TNR: variants seen among roughly 807,000 people sequenced by gnomAD.
TNR encodes the protein tenascin R, also known as tenascin-R.
Under a neutral mutation model 150.4 loss-of-function variants are expected in TNR, and 45 were observed. The observed-to-expected ratio is 0.30, with a 90% CI of 0.24 to 0.38. TNR has a LOEUF of 0.38. Ranked by LOEUF, TNR falls within the 10% of genes least tolerant of loss-of-function variation. TNR has a pLI of 1.00. For missense variants in TNR, 1,544 were observed against 1,759.1 expected (o/e 0.88, Z 2.19); for synonymous variants, 687 against 678.4 (o/e 1.01, Z -0.20).
chr1:175,661,299 C>A (rs891254072), intron 1 of TNR, among the ~76,000 whole-genome samples: 3 of 152,198 alleles, frequency 2.0e-5, no homozygotes, highest in Non-Finnish European at 4.4e-5. Context: ...CAGGAATGAG[C>A]CATCCCCACT....
chr1:175,377,988 G>A (rs976459697), intron 9 of TNR, among the ~76,000 whole-genome samples: 2 of 151,996 alleles, frequency 1.3e-5, no homozygotes, highest in African/African-American at 4.8e-5. Context: ...TGTTGCCTGG[G>A]TCTCACATTC....
chr1:175,574,809 G>A (rs962893935), intron 1 of TNR, among the ~76,000 whole-genome samples: 3 of 152,172 alleles, frequency 2.0e-5, no homozygotes, highest in South Asian at 2.1e-4. Flanking sequence ...ACAGAGGCAC[G>A]GAAGGCAGAT....
intron 1 of TNR, among the ~76,000 whole-genome samples, chr1:175,711,351 T>G (rs1305798229): frequency 1.3e-5 from 2 of 151,960 alleles, no homozygotes; most frequent in Non-Finnish European, 1.5e-5. Flanking sequence ...GGACACCAAG[T>G]GCAAAGCCCT....
At chr1:175,630,565 C>T (rs1664294647) in intron 1 of TNR, among the ~76,000 whole-genome samples, 1 of 152,204 alleles carries the variant, frequency 6.6e-6, no homozygotes. Context: ...CTTTTCCTCC[C>T]TTCCTCCCTT....
At chr1:175,690,452 C>T (rs925723666) in intron 1 of TNR, among the ~76,000 whole-genome samples, 3 of 152,208 alleles carry the variant, frequency 2.0e-5, no homozygotes, top group African/African-American at 7.2e-5. Context: ...GTGACAGTCA[C>T]ACTGAGTCAT....
chr1:175,624,148 T>C, intron 1 of TNR, among the ~76,000 whole-genome samples: 1 of 152,186 alleles, frequency 6.6e-6, no homozygotes, highest in Admixed American at 6.5e-5. Context: ...CTCCACCAAT[T>C]GCTTCTCCTC....
chr1:175,601,188 G>A (rs781346495), intron 1 of TNR, among the ~76,000 whole-genome samples: 43 of 152,202 alleles, frequency 2.8e-4, no homozygotes, highest in Non-Finnish European at 4.3e-4. Flanking sequence ...ACCTCTCAGA[G>A]GAGTCTGGTA....
At chr1:175,518,537 C>A (rs905805152) in intron 2 of TNR, among the ~76,000 whole-genome samples, 20 of 152,286 alleles carry the variant, frequency 1.3e-4, no homozygotes, top group African/African-American at 4.1e-4. Flanking sequence ...GTAATGAGAA[C>A]TTTGGGTGCA....
At chr1:175,635,314 T>C (rs926192952) in intron 1 of TNR, among the ~76,000 whole-genome samples, 8 of 152,244 alleles carry the variant, frequency 5.3e-5, no homozygotes, top group Non-Finnish European at 8.8e-5. Context: ...AAAAGGTCTC[T>C]AATTTTTCTC....
intron 2 of TNR, among the ~76,000 whole-genome samples, chr1:175,479,571 T>C (rs1657689463): frequency 1.3e-5 from 2 of 152,244 alleles, no homozygotes; most frequent in South Asian, 4.2e-4. Context: ...CATCAGCAAT[T>C]TTTGTGCCTA....
intron 1 of TNR, among the ~76,000 whole-genome samples, chr1:175,678,695 G>C (rs1320562444): frequency 6.6e-6 from 1 of 152,230 alleles, no homozygotes; most frequent in Non-Finnish European, 1.5e-5. Flanking sequence ...AGAGGCAGAG[G>C]TGACATTGAC....
intron 2 of TNR, among the ~76,000 whole-genome samples, chr1:175,468,866 C>T (rs1557952699): frequency 6.6e-6 from 1 of 151,962 alleles, no homozygotes. Flanking sequence ...CTGAAGGGCT[C>T]TCATAAGGTG....
chr1:175,620,474 T>C (rs1305420343), intron 1 of TNR, among the ~76,000 whole-genome samples: 1 of 152,200 alleles, frequency 6.6e-6, no homozygotes, highest in African/African-American at 2.4e-5. Flanking sequence ...CTGTTAACAA[T>C]GAGCCAGAGA....
At chr1:175,449,655 C>T (rs939445714) in intron 2 of TNR, among the ~76,000 whole-genome samples, 6 of 144,476 alleles carry the variant, frequency 4.2e-5, no homozygotes, top group Admixed American at 4.1e-4. Flanking sequence ...CAAGGAAATA[C>T]TGAGACTTTA....
At chr1:175,710,204 G>T (rs1326552994) in intron 1 of TNR, among the ~76,000 whole-genome samples, 1 of 152,120 alleles carries the variant, frequency 6.6e-6, no homozygotes, top group Non-Finnish European at 1.5e-5. Flanking sequence ...GAGGATGGCT[G>T]CCAGGCCTAG....
At chr1:175,528,888 C>G (rs1365431350) in intron 1 of TNR, among the ~76,000 whole-genome samples, 2 of 152,220 alleles carry the variant, frequency 1.3e-5, no homozygotes, top group Non-Finnish European at 1.5e-5. Flanking sequence ...GGGTCAGAGT[C>G]TTCAACTTTC....
At chr1:175,581,563 G>A (rs549454532) in intron 1 of TNR, among the ~76,000 whole-genome samples, 2 of 152,292 alleles carry the variant, frequency 1.3e-5, no homozygotes, top group Non-Finnish European at 1.5e-5. Context: ...GCAGCATGGG[G>A]TGGTGCAGAG....
rs551500597 is a variant in TNR, at chr1:175,689,570, T to C, written c.-165+53656A>G. ...CTGGGGTGATAGAGAATCAATTGGC[T>C]TGATGCAACTTCTGGATCCTTGTTA... On this transcript the variant is annotated intron_variant, in intron 1 of 22. Transcript: ENST00000367674. 3.3e-5 allele frequency among the ~76,000 whole-genome samples: 5 copies of C among 152,288 alleles called. No individual in the cohort carries two copies. In the South Asian group the frequency reaches 1.0e-3, roughly 32 times the overall value.
chr1:175,355,459 TCA>T, intron 17 of TNR, 42 bp downstream of exon 17: 1 of 1,603,644 alleles, frequency 6.2e-7, no homozygotes. Flanking sequence ...CCACATGGCC[TCA>T]CTTGGAAGAA....
Sources: gnomAD v4.1 joint callset for allele counts (sites outside exome capture counted in the v4.1 genomes callset) on GRCh38, gnomAD v4.1.1 for gene constraint, MANE v1.5 for transcripts, NCBI Gene and HGNC (gene_info 2026-07-23, HGNC 2026-07-21) for gene names.